VAV2: variants seen among roughly 807,000 people sequenced by gnomAD.
The protein encoded by VAV2 is vav guanine nucleotide exchange factor 2.
Under a neutral mutation model 132.5 loss-of-function variants are expected in VAV2, and 67 were observed. The ratio of observed to expected loss-of-function variants is 0.51; its 90% confidence interval spans 0.42 to 0.62. The LOEUF is 0.62. Ranked by LOEUF, VAV2 falls within the 20% of genes least tolerant of loss-of-function variation. The pLI is 0.00. For synonymous variants in VAV2, 492 were observed against 443.5 expected (o/e 1.11, Z -1.37); for missense variants, 938 against 1,153.6 (o/e 0.81, Z 2.71).
intron 2 of VAV2, among the ~76,000 whole-genome samples, chr9:133,881,967 G>A (rs1199105747): frequency 2.0e-5 from 3 of 152,166 alleles, no homozygotes; most frequent in South Asian, 2.1e-4. Context: ...GGTGCCCAGC[G>A]AGTGTGCGGG....
At chr9:133,983,069 T>A (rs556007836) in intron 1 of VAV2, among the ~76,000 whole-genome samples, 9 of 152,226 alleles carry the variant, frequency 5.9e-5, no homozygotes, top group African/African-American at 1.7e-4. Context: ...GAGAAGGAAG[T>A]GACTTCAGGG....
Position 133,933,959 on chromosome 9 carries a change from G to GATGGATGGATGGATGA in VAV2, c.321+5143_321+5144insTCATCCATCCATCCAT, listed in dbSNP as rs1341620515. Among the ~76,000 whole-genome samples the GATGGATGGATGGATGA allele has an allele frequency of 7.1e-4, 106 of 150,202 alleles. 5 individuals carry two copies. In the East Asian group the frequency reaches 0.017, roughly 24 times the overall value. On this transcript the variant is annotated intron_variant, in intron 2 of 29. Coordinates refer to ENST00000371850, the MANE Select transcript of VAV2 (RefSeq NM_001134398.2). Reference sequence around the variant, plus strand: ...TGGATGGATGGATGGATGGTGGATGGATGGATGAATGGATGGAAGGATGGG... The same window carrying GATGGATGGATGGATGA: ...TGGATGGATGGATGGATGGTGGATGGATGGATGGATGGATGAATGGATGAATGGATGGAAGGATGGG...
chr9:133,910,192 G>A (rs555038078), intron 2 of VAV2, among the ~76,000 whole-genome samples: 8 of 152,196 alleles, frequency 5.3e-5, no homozygotes, highest in African/African-American at 1.9e-4. Flanking sequence ...CCATGAGGAT[G>A]GAAGAGGTAG....
chr9:133,886,324 G>C (rs1196836032), intron 2 of VAV2, among the ~76,000 whole-genome samples: 2 of 152,214 alleles, frequency 1.3e-5, no homozygotes, highest in Non-Finnish European at 2.9e-5. Context: ...CCATCCTGGA[G>C]GAGGAGTCTC....
At position 133,924,219 on chromosome 9, in the gene VAV2, G is replaced by A. The variant is rs141970766; in HGVS notation, c.321+14884C>T. On this transcript the variant is annotated intron_variant, in intron 2 of 29. Coordinates refer to ENST00000371850, the MANE Select transcript of VAV2 (RefSeq NM_001134398.2). ...CATTTTTTTGAGACAGTCTCGCTCTGTTGCCCGGGCTGGAAGTGCAGTGGT... is the reference window on the plus strand; with the variant it reads ...CATTTTTTTGAGACAGTCTCGCTCTATTGCCCGGGCTGGAAGTGCAGTGGT... Among the ~76,000 whole-genome samples, 1,450 of 152,224 alleles carry A rather than the reference G, an allele frequency of 9.5e-3. 15 individuals are homozygous for A. Among genetic ancestry groups the A allele is most frequent in the African/African-American group, 0.032 (1,345 of 41,516 alleles).
At position 133,952,711 on chromosome 9, in the gene VAV2, G is replaced by A. The variant is rs555071193; in HGVS notation, c.205-13492C>T. ...AAGAGAAGACAGAAGACAAGAGGCC[G>A]TGTGACGACAGAGGCACAGATTGGC... is the stretch of plus-strand genomic sequence containing the variant. On this transcript the variant is annotated intron_variant, in intron 1 of 29. Transcript: ENST00000371850. 7.9e-4 allele frequency among the ~76,000 whole-genome samples: 120 copies of A among 152,290 alleles called. 2 individuals are homozygous for A. The highest frequency in any genetic ancestry group is 6.5e-3 in the Admixed American group (99 of 15,290).
intron 2 of VAV2, among the ~76,000 whole-genome samples, chr9:133,937,578 A>G (rs1359157906): frequency 6.6e-6 from 1 of 151,836 alleles, no homozygotes; most frequent in Non-Finnish European, 1.5e-5. Flanking sequence ...ACCTTCACTA[A>G]GTCCAGAACC....
chr9:133,915,944 G>A, intron 2 of VAV2, among the ~76,000 whole-genome samples: 1 of 146,178 alleles, frequency 6.8e-6, no homozygotes, highest in East Asian at 2.0e-4. Flanking sequence ...CGATGTACAT[G>A]TACACACGAT....
At chr9:133,952,648 C>G (rs1841600635) in intron 1 of VAV2, among the ~76,000 whole-genome samples, 1 of 152,086 alleles carries the variant, frequency 6.6e-6, no homozygotes, top group Admixed American at 6.5e-5. Context: ...AAGATAATCC[C>G]AGATTACCCA....
intron 3 of VAV2, among the ~76,000 whole-genome samples, chr9:133,858,801 A>G (rs1043931547): frequency 6.6e-6 from 1 of 152,172 alleles, no homozygotes; most frequent in Non-Finnish European, 1.5e-5. Flanking sequence ...GGGTCCACCG[A>G]CATGCAGCCC....
intron 1 of VAV2, among the ~76,000 whole-genome samples, chr9:133,972,450 C>T (rs764717089): frequency 3.9e-5 from 6 of 151,986 alleles, no homozygotes; most frequent in Non-Finnish European, 7.4e-5. Flanking sequence ...TGGAGATTCA[C>T]CCAAAGAAAG....
At chr9:133,876,883 G>T (rs1838286512) in intron 2 of VAV2, among the ~76,000 whole-genome samples, 1 of 152,152 alleles carries the variant, frequency 6.6e-6, no homozygotes, top group Admixed American at 6.5e-5. Context: ...AGAAAGGGCT[G>T]GCCTGAAGAA....
At chr9:133,822,796 G>C (rs1276203039) in intron 4 of VAV2, among the ~76,000 whole-genome samples, 1 of 148,038 alleles carries the variant, frequency 6.8e-6, no homozygotes, top group African/African-American at 2.6e-5. Flanking sequence ...AAAATATTCA[G>C]GAACCAAAAA....
intron 17 of VAV2, among the ~76,000 whole-genome samples, chr9:133,784,760 A>G (rs1438247699): frequency 6.6e-6 from 1 of 152,136 alleles, no homozygotes; most frequent in Non-Finnish European, 1.5e-5. Flanking sequence ...TGTTTGCCTC[A>G]TTGGATATAA....
intron 3 of VAV2, among the ~76,000 whole-genome samples, chr9:133,858,185 G>A (rs1366944909): frequency 4.6e-5 from 7 of 152,188 alleles, no homozygotes; most frequent in African/African-American, 1.2e-4. Context: ...TACCTGAGGC[G>A]TTGGGCCACG....
chr9:133,943,568 C>T (rs1841249252), intron 1 of VAV2, among the ~76,000 whole-genome samples: 1 of 152,218 alleles, frequency 6.6e-6, no homozygotes, highest in Admixed American at 6.5e-5. Context: ...TGAGTGGCCA[C>T]AGCAAGGGTC....
chr9:133,939,280 AAACCGT>A (rs1841044816), intron 1 of VAV2, 61 bp from the exon 2 acceptor site: 2 of 1,437,672 alleles, frequency 1.4e-6, no homozygotes, highest in Non-Finnish European at 9.8e-7. Context: ...AGCTCTGTAA[AAACCGT>A]AACAGCAACA....
chr9:133,829,979 A>T (rs1270441110), intron 4 of VAV2, among the ~76,000 whole-genome samples: 2 of 152,132 alleles, frequency 1.3e-5, no homozygotes, highest in Non-Finnish European at 1.5e-5. Flanking sequence ...TCCAAGCCTG[A>T]CACACAGAGA....
At chr9:133,954,255 T>A (rs1841668452) in intron 1 of VAV2, among the ~76,000 whole-genome samples, 1 of 152,180 alleles carries the variant, frequency 6.6e-6, no homozygotes, top group African/African-American at 2.4e-5. Context: ...TGTCCCTCTG[T>A]CCATCTGCCC....
Sources: gnomAD v4.1 joint callset for allele counts (sites outside exome capture counted in the v4.1 genomes callset) on GRCh38, gnomAD v4.1.1 for gene constraint, MANE v1.5 for transcripts, NCBI Gene and HGNC (gene_info 2026-07-23, HGNC 2026-07-21) for gene names.